CTDP1: variants seen among roughly 807,000 people sequenced by gnomAD.
The protein encoded by CTDP1 is CTD phosphatase 1, also known as RNA polymerase II subunit A C-terminal domain phosphatase.
A neutral mutation model predicts 91.8 loss-of-function variants in CTDP1; 47 were observed. The observed-to-expected ratio is 0.51, with a 90% CI of 0.41 to 0.65. The LOEUF (loss-of-function observed/expected upper bound fraction) is 0.65. Ranked by LOEUF, CTDP1 falls within the 30% of genes least tolerant of loss-of-function variation. The pLI is 0.00. For synonymous variants in CTDP1, 656 were observed against 598.5 expected (o/e 1.10, Z -1.40); for missense variants, 1,272 against 1,373.7 (o/e 0.93, Z 1.17).
intron 11 of CTDP1, among the ~76,000 whole-genome samples, chr18:79,733,026 C>CGG (rs2086596321): frequency 6.6e-6 from 1 of 152,230 alleles, no homozygotes; most frequent in South Asian, 2.1e-4. Context: ...CACCCCCACA[C>CGG]AGTCCCTGAG....
intron 4 of CTDP1, among the ~76,000 whole-genome samples, chr18:79,698,901 C>G (rs965950697): frequency 1.3e-5 from 2 of 152,208 alleles, no homozygotes; most frequent in Admixed American, 1.3e-4. Context: ...AGATTGATGA[C>G]AGTTACACAT....
intron 11 of CTDP1, among the ~76,000 whole-genome samples, chr18:79,732,017 A>G (rs1054346208): frequency 2.6e-5 from 4 of 151,994 alleles, no homozygotes; most frequent in African/African-American, 9.7e-5. Flanking sequence ...GTAAGAACTC[A>G]CTAACATCAG....
chr18:79,686,278 A>G (rs1044650278), intron 1 of CTDP1, among the ~76,000 whole-genome samples: 3 of 152,192 alleles, frequency 2.0e-5, no homozygotes, highest in African/African-American at 7.2e-5. Context: ...GGTTATGTGA[A>G]ATCATCTAGT....
intron 12 of CTDP1, among the ~76,000 whole-genome samples, chr18:79,746,480 G>C (rs2086885280): frequency 6.6e-6 from 1 of 152,272 alleles, no homozygotes; most frequent in Non-Finnish European, 1.5e-5. Context: ...CCTTCACATA[G>C]CACGCGGAGT....
chr18:79,739,382 G>C (rs912416384), intron 12 of CTDP1, among the ~76,000 whole-genome samples: 4 of 151,836 alleles, frequency 2.6e-5, no homozygotes, highest in Non-Finnish European at 5.9e-5. Context: ...CAGGACTGGA[G>C]TTAGCACCCC....
intron 12 of CTDP1, among the ~76,000 whole-genome samples, chr18:79,744,610 G>A (rs569347653): frequency 6.6e-6 from 1 of 152,220 alleles, no homozygotes; most frequent in African/African-American, 2.4e-5. Flanking sequence ...GCTTCTACAG[G>A]TAAAGAAGGA....
At chr18:79,722,607 G>A (rs1256712586) in intron 10 of CTDP1, among the ~76,000 whole-genome samples, 3 of 152,232 alleles carry the variant, frequency 2.0e-5, no homozygotes, top group Non-Finnish European at 4.4e-5. Flanking sequence ...GGTGATTGCA[G>A]GCTGGATGCA....
chr18:79,714,391 G>A (rs577959175), intron 7 of CTDP1, 100 bp from the exon 8 acceptor site: 22 of 1,367,762 alleles, frequency 1.6e-5, no homozygotes, highest in South Asian at 1.3e-4. Context: ...AGAGGGTGGT[G>A]GACTTCACAG....
chr18:79,748,963 C>T (rs768813681), intron 12 of CTDP1, among the ~76,000 whole-genome samples: 6 of 152,200 alleles, frequency 3.9e-5, no homozygotes, highest in Non-Finnish European at 7.3e-5. Context: ...GGCTCTCCAG[C>T]GGGAGCTGAG....
chr18:79,743,175 G>A (rs1421043499), intron 12 of CTDP1, among the ~76,000 whole-genome samples: 1 of 152,240 alleles, frequency 6.6e-6, no homozygotes, highest in Non-Finnish European at 1.5e-5. Flanking sequence ...CTGTCCTGCT[G>A]TAAATAATTA....
intron 4 of CTDP1, among the ~76,000 whole-genome samples, chr18:79,698,620 C>T (rs1568181881): frequency 6.6e-6 from 1 of 152,180 alleles, no homozygotes; most frequent in Non-Finnish European, 1.5e-5. Flanking sequence ...CAGAGGCTTG[C>T]GCAGAGGCTT....
At chr18:79,689,074 A>G (rs643782) in intron 1 of CTDP1, among the ~76,000 whole-genome samples, 87,417 of 152,072 alleles carry the variant, frequency 0.57, 25,262 homozygotes, top group Middle Eastern at 0.67. Flanking sequence ...CTTACATAGC[A>G]CTAATAGTCC....
In CTDP1 at chr18:79,717,916, A is replaced by C; in HGVS notation, c.2317A>C (p.Ile773Leu). Reference sequence around the variant, plus strand: ...GGCCCAGCCTGGCCCCGAGGTTCGGATCTACGACTCCAACACGGGGAAGCT... The same window carrying C: ...GGCCCAGCCTGGCCCCGAGGTTCGGCTCTACGACTCCAACACGGGGAAGCT... ...PKAQPGPEVR[I>L]YDSNTGKLIR... Residue 773 changes from isoleucine (I) to leucine (L), a missense_variant, in exon 10 of 13, where the codon ATC becomes CTC. Physicochemically the swap from Ile to Leu is conservative, Grantham distance 5. This residue lies in a region of CTDP1 where 881 missense variants were observed against 911.6 expected (regional missense o/e 0.97). Coordinates refer to ENST00000613122, the MANE Select transcript of CTDP1 (RefSeq NM_004715.5). 3.7e-6 allele frequency: 6 copies of C among 1,613,456 alleles called. No homozygotes were observed. Among genetic ancestry groups the C allele is most frequent in the Non-Finnish European group, 5.1e-6 (6 of 1,179,970 alleles).
At chr18:79,742,271 G>A (rs10468807) in intron 12 of CTDP1, among the ~76,000 whole-genome samples, 49 of 149,136 alleles carry the variant, frequency 3.3e-4, no homozygotes, top group African/African-American at 1.1e-3. Context: ...CAGAGGAGGT[G>A]TGAGGTGTCC....
chr18:79,676,941 G>T (rs887652694), upstream of CTDP1, among the ~76,000 whole-genome samples: 1 of 152,200 alleles, frequency 6.6e-6, no homozygotes, highest in African/African-American at 2.4e-5. Context: ...CTAATTGGAA[G>T]ACTACATGGC....
intron 12 of CTDP1, among the ~76,000 whole-genome samples, chr18:79,749,321 C>T (rs2086945636): frequency 6.6e-6 from 1 of 152,004 alleles, no homozygotes; most frequent in African/African-American, 2.4e-5. Context: ...TCGGTCGGGG[C>T]CCCTGCCCCT....
At chr18:79,722,084 A>G (rs891341026) in intron 10 of CTDP1, among the ~76,000 whole-genome samples, 1 of 152,254 alleles carries the variant, frequency 6.6e-6, no homozygotes, top group Non-Finnish European at 1.5e-5. Context: ...TAAAGTGGTT[A>G]AAGATTAGAT....
At chr18:79,695,396 G>A in intron 2 of CTDP1, 88 bp downstream of exon 2, 1 of 1,231,212 alleles carries the variant, frequency 8.1e-7, no homozygotes, top group African/African-American at 1.5e-5. Context: ...TGGGAACACA[G>A]TGAGGCCCTT....
At chr18:79,682,537 C>T (rs758186942) in intron 1 of CTDP1, among the ~76,000 whole-genome samples, 8 of 152,196 alleles carry the variant, frequency 5.3e-5, no homozygotes, top group African/African-American at 1.2e-4. Flanking sequence ...AGCTAACCCT[C>T]GAACAACTTG....
Sources: gnomAD v4.1 joint callset for allele counts (sites outside exome capture counted in the v4.1 genomes callset) on GRCh38, gnomAD v4.1.1 for gene constraint, gnomAD v4.1.1 regional missense constraint, MANE v1.5 for transcripts, NCBI Gene and HGNC (gene_info 2026-07-23, HGNC 2026-07-21) for gene names.